DNAJA1: variants seen among roughly 807,000 people sequenced by gnomAD.
The protein encoded by DNAJA1 is DnaJ heat shock protein family (Hsp40) member A1.
DNAJA1 carries 26 observed loss-of-function variants against 47.6 expected under a neutral mutation model. That is an observed-to-expected ratio of 0.55 (90% CI 0.40 to 0.76). The LOEUF (loss-of-function observed/expected upper bound fraction) is 0.76, where lower values mean the gene tolerates loss of function less well. Among genes scored for constraint, DNAJA1 ranks in the 30% least tolerant of loss-of-function variants. DNAJA1 has a pLI of 0.00. For missense variants in DNAJA1, 315 were observed against 485.0 expected, an observed-to-expected ratio of 0.65 and a Z score of 3.29; for synonymous variants, 165 against 158.4, an observed-to-expected ratio of 1.04 and a Z score of -0.31.
chr9:33,030,791 TCTTAGCAG>T, intron 5 of DNAJA1, 124 bp downstream of exon 5: 1 of 838,912 alleles, frequency 1.2e-6, no homozygotes, highest in South Asian at 1.9e-5. Context: ...CAGAAATAAC[TCTTAGCAG>T]CTTAGTAAAT....
At chr9:33,031,583 C>T (rs1012870969) in intron 5 of DNAJA1, among the ~76,000 whole-genome samples, 1 of 151,950 alleles carries the variant, frequency 6.6e-6, no homozygotes, top group Non-Finnish European at 1.5e-5. Context: ...AGGTGTGCAC[C>T]ACCACACCTG....
intron 5 of DNAJA1, among the ~76,000 whole-genome samples, chr9:33,032,779 GGTACGTACTGAA>G (rs1838980280): frequency 6.6e-6 from 1 of 152,116 alleles, no homozygotes; most frequent in African/African-American, 2.4e-5. Context: ...TTATTTAAGA[GGTACGTACTGAA>G]GTATTTGTGG....
Position 33,031,440 on chromosome 9 carries a change from G to T in DNAJA1, c.643+773G>T, listed in dbSNP as rs558608685. ...CCAATGGGCATGTTTTTGTTTGTTT[G>T]TTTTTTTCTGAGGTAGAGTCTTGCT... is the stretch of plus-strand genomic sequence containing the variant. On this transcript the variant is annotated intron_variant, in intron 5 of 8. Coordinates refer to ENST00000330899, the MANE Select transcript of DNAJA1 (RefSeq NM_001539.4). Among the ~76,000 whole-genome samples, 671 of 151,900 alleles carry T rather than the reference G, an allele frequency of 4.4e-3. 8 individuals carry two copies. The highest frequency in any genetic ancestry group is 0.016 in the African/African-American group (643 of 41,432).
At chr9:33,027,111 A>G in intron 3 of DNAJA1, 121 bp downstream of exon 3, 2 of 1,196,316 alleles carry the variant, frequency 1.7e-6, no homozygotes, top group Non-Finnish European at 2.3e-6. Flanking sequence ...CAAACTGACC[A>G]CAAATTGCCT....
chr9:33,038,292 C>T (rs554758602), intron 8 of DNAJA1, among the ~76,000 whole-genome samples: 10 of 152,234 alleles, frequency 6.6e-5, no homozygotes, highest in South Asian at 2.1e-4. Context: ...TATGAGCCAC[C>T]GCGCCTGGCC....
rs982199313 is a variant in DNAJA1 at position 33,025,701 on chromosome 9, G to C, written c.-11+318G>C. Among the ~76,000 whole-genome samples the C allele has an allele frequency of 8.6e-5, 13 of 151,756 alleles. No homozygotes were observed. The East Asian group carries it at 1.2e-3, about 14-fold the overall frequency. On this transcript the variant is annotated intron_variant, in intron 1 of 8. Coordinates refer to ENST00000330899, the MANE Select transcript of DNAJA1 (RefSeq NM_001539.4). ...CCCCGTCCGTGCTCGCTCGGGGTGG[G>C]GGGGGGGAGTGGGGTTGGCGACCCT...
intron 3 of DNAJA1, among the ~76,000 whole-genome samples, chr9:33,027,289 G>T (rs1001125030): frequency 1.3e-5 from 2 of 151,748 alleles, no homozygotes; most frequent in Non-Finnish European, 2.9e-5. Context: ...CCAAGTAGCT[G>T]GGATTACAGG....
chr9:33,025,668 G>GCCCCCCT (rs1383341558), intron 1 of DNAJA1, among the ~76,000 whole-genome samples: 1 of 151,200 alleles, frequency 6.6e-6, no homozygotes, highest in African/African-American at 2.4e-5. Flanking sequence ...CGCCCCCGCG[G>GCCCCCCT]CCCCCCTCCC....
At position 33,031,797 on chromosome 9, in the gene DNAJA1, T is replaced by G. The variant is rs1021408413; in HGVS notation, c.643+1130T>G. On this transcript the variant is annotated intron_variant, in intron 5 of 8. Transcript: ENST00000330899. Reference sequence around the variant, plus strand: ...TACTTGCCCATCTATTATATTTAAATGCTCCGTTAATTGATTTGATAGACT... The same window carrying G: ...TACTTGCCCATCTATTATATTTAAAGGCTCCGTTAATTGATTTGATAGACT... 3.9e-5 allele frequency among the ~76,000 whole-genome samples: 6 copies of G among 152,312 alleles called. 1 individual carries two copies. In the South Asian group the frequency reaches 1.2e-3, roughly 32 times the overall value.
intron 7 of DNAJA1, 152 bp downstream of exon 7, chr9:33,036,841 G>A (rs1174295053): frequency 1.2e-6 from 1 of 809,540 alleles, no homozygotes; most frequent in African/African-American, 1.7e-5. Context: ...AAGTTATAAG[G>A]TCTTGGCTCT....
intron 3 of DNAJA1, among the ~76,000 whole-genome samples, chr9:33,027,901 G>A (rs576646895): frequency 4.0e-5 from 6 of 151,832 alleles, no homozygotes; most frequent in South Asian, 2.1e-4. Context: ...GTGCGTGCCT[G>A]TAATCCCAGT....
At chr9:33,032,705 A>G (rs1838979021) in intron 5 of DNAJA1, among the ~76,000 whole-genome samples, 1 of 152,212 alleles carries the variant, frequency 6.6e-6, no homozygotes. Context: ...TTTTGCCTCA[A>G]TACACGATTA....
At chr9:33,033,229 C>A (rs1389037535) in intron 5 of DNAJA1, among the ~76,000 whole-genome samples, 1 of 150,806 alleles carries the variant, frequency 6.6e-6, no homozygotes, top group Non-Finnish European at 1.5e-5. Context: ...TTGTATTTTA[C>A]GGACCACATG....
At chr9:33,029,772 T>A (rs1027631445) in intron 3 of DNAJA1, 113 bp from the exon 4 acceptor site, 1 of 745,858 alleles carries the variant, frequency 1.3e-6, no homozygotes, top group East Asian at 2.7e-5. Flanking sequence ...TCAACAGATG[T>A]ACCCTGTGAG....
intron 5 of DNAJA1, 77 bp downstream of exon 5, chr9:33,030,744 AATC>A (rs1838948094): frequency 3.3e-6 from 4 of 1,218,864 alleles, no homozygotes; most frequent in Admixed American, 2.3e-5. Flanking sequence ...ATTGTTTAAA[AATC>A]ATTCTTAATT....
intron 6 of DNAJA1, 98 bp from the exon 7 acceptor site, chr9:33,036,476 A>G: frequency 4.4e-6 from 3 of 680,216 alleles, no homozygotes; most frequent in Non-Finnish European, 4.9e-6. Context: ...GTCTTTGTAA[A>G]AGACCCTTTG....
rs1564012625 is a variant in DNAJA1 at position 33,029,915 on chromosome 9, C to T, written c.341C>T (p.Thr114Ile). 3 of 1,611,874 alleles carry T rather than the reference C, an allele frequency of 1.9e-6. No homozygotes were observed. The highest frequency in any genetic ancestry group is 1.3e-5 in the African/African-American group (1 of 74,922). The change falls in exon 4 of 9, where the codon ACC (threonine) becomes ATC (isoleucine). Residue 114 changes from threonine (T) to isoleucine (I), a missense_variant. Physicochemically the swap from Thr to Ile is moderately conservative, Grantham distance 89. Coordinates refer to ENST00000330899, the MANE Select transcript of DNAJA1 (RefSeq NM_001539.4). ...AATGTTGTACATCAGCTCTCAGTAA[C>T]CCTAGAAGACTTATATAATGGTGCA... ...GKNVVHQLSV[T>I]LEDLYNGATR...
intron 1 of DNAJA1, among the ~76,000 whole-genome samples, chr9:33,026,273 T>TC (rs537850977): frequency 6.6e-6 from 1 of 152,232 alleles, no homozygotes; most frequent in South Asian, 2.1e-4. Context: ...GGCTCTCAGA[T>TC]TATTTCCCGA....
At chr9:33,038,336 T>G (rs1024088716) in intron 8 of DNAJA1, among the ~76,000 whole-genome samples, 1 of 152,300 alleles carries the variant, frequency 6.6e-6, no homozygotes, top group Admixed American at 6.5e-5. Context: ...AACTACCCTT[T>G]TGAGAGTAAG....
Sources: gnomAD v4.1 joint callset for allele counts (sites outside exome capture counted in the v4.1 genomes callset) on GRCh38, gnomAD v4.1.1 for gene constraint, MANE v1.5 for transcripts, NCBI Gene and HGNC (gene_info 2026-07-23, HGNC 2026-07-21) for gene names.